GTF3C1: variants seen among roughly 807,000 people sequenced by gnomAD.
The protein encoded by GTF3C1 is general transcription factor 3C polypeptide 1.
Under a neutral mutation model 226.7 loss-of-function variants are expected in GTF3C1, and 57 were observed. That is an observed-to-expected ratio of 0.25 (90% CI 0.20 to 0.31). GTF3C1 has a LOEUF of 0.31. GTF3C1 is among the 10% of genes least tolerant of loss of function. The pLI, the probability that GTF3C1 is intolerant of heterozygous loss-of-function variation, is 1.00. For synonymous variants in GTF3C1, 1,090 were observed against 1,084.8 expected (o/e 1.00, Z -0.09); for missense variants, 2,217 against 2,776.1 (o/e 0.80, Z 4.53).
In GTF3C1 at chr16:27,461,129, G is replaced by T; in HGVS notation, c.*221C>A. 2.0e-6 allele frequency: 1 copy of T among 498,746 alleles called. No individual in the cohort carries two copies. The highest frequency in any genetic ancestry group is 3.6e-6 in the Non-Finnish European group (1 of 278,214). The allele number at this position is 498,746 out of a possible 1,614,324, so 30.9% of individuals were successfully genotyped here. A position where few individuals can be genotyped will look rare whatever the true frequency, so the allele number is the denominator to read the frequency against. On this transcript the variant is annotated 3_prime_UTR_variant, in exon 37 of 37. Transcript: ENST00000356183. This position sits in a 1 kb window ranked among gnomAD's most constrained non-coding sequence, Gnocchi z 5.3. ...TGATGAGGCCAGTTCCCAAGGGGAA[G>T]GCCCAGAAGAGCCTGGGGGATGGGC...
Position 27,507,427 on chromosome 16 carries a change from C to T in GTF3C1, c.1243-271G>A, listed in dbSNP as rs563965366. On this transcript the variant is annotated intron_variant, in intron 8 of 36. Transcript: ENST00000356183. The surrounding 1 kb of genome is among the most constrained non-coding windows in gnomAD (Gnocchi z 4.9). Reference sequence around the variant, plus strand: ...CTATGAGCTTCTCAGGGACAGGGCTCTGACTTAACCTTCCATATAGCCCCA... The same window carrying T: ...CTATGAGCTTCTCAGGGACAGGGCTTTGACTTAACCTTCCATATAGCCCCA... 6.6e-6 allele frequency among the ~76,000 whole-genome samples: 1 copy of T among 151,382 alleles called. No individual in the cohort carries two copies. Among genetic ancestry groups the T allele is most frequent in the African/African-American group, 2.5e-5 (1 of 40,652 alleles).
rs991383352 is a variant in GTF3C1, at chr16:27,471,558, C to T, written c.4526+190G>A. On this transcript the variant is annotated intron_variant, in intron 30 of 36. Transcript: ENST00000356183. This position sits in a 1 kb window ranked among gnomAD's most constrained non-coding sequence, Gnocchi z 5.0. ...GCCGCCAACACAAAGAAGCTGCCAGCGCTCACCTGATCCCCATACCACGAA... is the reference window on the plus strand; with the variant it reads ...GCCGCCAACACAAAGAAGCTGCCAGTGCTCACCTGATCCCCATACCACGAA... 8 of 562,772 alleles carry T rather than the reference C, an allele frequency of 1.4e-5. No homozygotes were observed. The highest frequency in any genetic ancestry group is 1.9e-5 in the Non-Finnish European group (6 of 315,078). The allele number at this position is 562,772 out of a possible 1,614,324, so 34.9% of individuals were successfully genotyped here.
At position 27,489,583 on chromosome 16, in the gene GTF3C1, G is replaced by A. The variant is rs374809431; in HGVS notation, c.3293+19C>T. 21 of 1,591,026 alleles carry A rather than the reference G, an allele frequency of 1.3e-5. 1 individual carries two copies. Among genetic ancestry groups the A allele is most frequent in the Middle Eastern group, 1.7e-4 (1 of 5,960 alleles). On this transcript the variant is annotated intron_variant, in intron 20 of 36. Coordinates refer to ENST00000356183, the MANE Select transcript of GTF3C1 (RefSeq NM_001520.4). Reference sequence around the variant, plus strand: ...CCGCAGCCCAGTCCTGGCCGGCCGCGCTTGGGACGGACACGCACGTGGTGT... The same window carrying A: ...CCGCAGCCCAGTCCTGGCCGGCCGCACTTGGGACGGACACGCACGTGGTGT...
intron 14 of GTF3C1, among the ~76,000 whole-genome samples, chr16:27,497,258 T>C (rs1318932230): frequency 1.3e-5 from 2 of 152,204 alleles, no homozygotes. Context: ...GCACTCAGAC[T>C]CATCAATGAC....
At chr16:27,525,944 T>G (rs1299309016) in intron 6 of GTF3C1, among the ~76,000 whole-genome samples, 5 of 5,086 alleles carry the variant, frequency 9.8e-4, no homozygotes, top group Non-Finnish European at 1.4e-3. Context: ...TTCAGTATCC[T>G]ATGTTTGTTT....
In GTF3C1 at chr16:27,549,700, C is replaced by T. The variant is rs1179709628; in HGVS notation, c.191G>A (p.Arg64Gln). The change falls in exon 1 of 37, where the codon CGG becomes CAG. Residue 64 changes from arginine to glutamine, a missense_variant. Physicochemically the swap from Arg to Gln is conservative, Grantham distance 43. Transcript: ENST00000356183. ...HPGISFYEEP[R>Q]ERPDLQLQDR... ...CTGGAGCTGTAGGTCGGGTCGCTCCCGAGGCTCCTCATAGAAGCTGATGCC... is the reference window on the plus strand; with the variant it reads ...CTGGAGCTGTAGGTCGGGTCGCTCCTGAGGCTCCTCATAGAAGCTGATGCC... The T allele has an allele frequency of 2.5e-6, 4 of 1,601,928 alleles. No homozygotes were observed. The East Asian group carries it at 9.0e-5, about 36-fold the overall frequency.
chr16:27,521,836 T>C (rs1485041445), intron 6 of GTF3C1, among the ~76,000 whole-genome samples: 1 of 152,202 alleles, frequency 6.6e-6, no homozygotes, highest in Non-Finnish European at 1.5e-5. Context: ...TTTCTGCTTT[T>C]TTTCTGTTCA....
At chr16:27,482,204 C>T (rs73533008) in intron 26 of GTF3C1, among the ~76,000 whole-genome samples, 4,590 of 152,250 alleles carry the variant, frequency 0.03, 222 homozygotes, top group African/African-American at 0.1. Flanking sequence ...ACATTTGCAA[C>T]CAGGGGGTGA....
Position 27,470,657 on chromosome 16 carries a change from C to T in GTF3C1, c.4527-262G>A, listed in dbSNP as rs1236702381. On this transcript the variant is annotated intron_variant, in intron 30 of 36. Coordinates refer to ENST00000356183, the MANE Select transcript of GTF3C1 (RefSeq NM_001520.4). The surrounding 1 kb of genome is among the most constrained non-coding windows in gnomAD (Gnocchi z 4.9). ...TAATTCAATGTGGCCTCACCTGGCG[C>T]TCCAGGAGGGCGCTGGCAGGCTCAC... 4 of 473,060 alleles carry T rather than the reference C, an allele frequency of 8.5e-6. No individual in the cohort carries two copies. The highest frequency in any genetic ancestry group is 5.8e-4 in the Middle Eastern group (1 of 1,724). 29.3% of individuals were successfully genotyped at this position (473,060 alleles called of 1,614,324 possible).
rs763348685 is a variant in GTF3C1 at position 27,471,838 on chromosome 16, C to T, written c.4436G>A (p.Arg1479Gln). Residue 1479 changes from arginine to glutamine, a missense_variant, in exon 30 of 37, where the codon CGG becomes CAG. This residue lies in a region of GTF3C1 where 546 missense variants were observed against 663.0 expected (regional missense o/e 0.82). Coordinates refer to ENST00000356183, the MANE Select transcript of GTF3C1 (RefSeq NM_001520.4). The surrounding 1 kb of genome is among the most constrained non-coding windows in gnomAD (Gnocchi z 5.0). ...GCCCAGCGTGTGGTTGACCCGGCGC[C>T]GGTTGACCAAGCTCCTCTTCTGGCA... ...MECQKRSLVN[R>Q]RRVNHTLGPK... 12 of 1,613,730 alleles carry T rather than the reference C, an allele frequency of 7.4e-6. No homozygotes were observed. The highest frequency in any genetic ancestry group is 2.2e-5 in the East Asian group (1 of 44,896).
chr16:27,497,860 A>T (rs1456982505), intron 13 of GTF3C1, 39 bp from the exon 14 acceptor site: 3 of 1,519,172 alleles, frequency 2.0e-6, no homozygotes. Context: ...TACTGAGAAA[A>T]TCAAGGGCTA....
intron 6 of GTF3C1, among the ~76,000 whole-genome samples, chr16:27,524,697 T>A: frequency 6.6e-6 from 1 of 152,184 alleles, no homozygotes; most frequent in East Asian, 1.9e-4. Context: ...GCAAAAAAGG[T>A]TCTTTAAGGA....
chr16:27,533,376 T>C lies in GTF3C1; in HGVS notation c.764A>G (p.Tyr255Cys). The change falls in exon 5 of 37, where the codon TAC becomes TGC. Residue 255 changes from tyrosine (Y) to cysteine (C), a missense_variant. Physicochemically the swap from Tyr to Cys is radical, Grantham distance 194. Around this residue, in one of 12 missense-constraint regions of GTF3C1, gnomAD observed 163 missense variants for 234.3 expected, o/e 0.70. Coordinates refer to ENST00000356183, the MANE Select transcript of GTF3C1 (RefSeq NM_001520.4). ...CGAAAGCTTCTCCATGAGGATGTCG[T>C]ATTTGCTCCTCCTGCAAGAAACACC... ...NRFHVDRRSK[Y>C]DILMEKLSVM... The C allele has an allele frequency of 6.3e-7, 1 of 1,593,012 alleles. No homozygotes were observed. Among genetic ancestry groups the C allele is most frequent in the Non-Finnish European group, 8.6e-7 (1 of 1,160,732 alleles).
Position 27,464,235 on chromosome 16 carries a change from G to A in GTF3C1, c.5872+85C>T, listed in dbSNP as rs529746699. 6.5e-5 allele frequency: 53 copies of A among 815,102 alleles called. No individual in the cohort carries two copies. In the East Asian group the frequency reaches 7.5e-4, roughly 12 times the overall value. 50.5% of individuals were successfully genotyped at this position (815,102 alleles called of 1,614,324 possible). A position where few individuals can be genotyped will look rare whatever the true frequency, so the allele number is the denominator to read the frequency against. On this transcript the variant is annotated intron_variant, in intron 34 of 36. Coordinates refer to ENST00000356183, the MANE Select transcript of GTF3C1 (RefSeq NM_001520.4). The stretch of plus-strand genomic sequence containing the variant: ...TGCCAGTGGCAGGTCCCCCATCCTC[G>A]GAGGAAGGTGTGAGGCCCATCAGGG...
intron 7 of GTF3C1, 28 bp from the exon 8 acceptor site, chr16:27,508,683 A>C (rs547182909): frequency 6.5e-7 from 1 of 1,531,290 alleles, no homozygotes; most frequent in Admixed American, 1.7e-5. Context: ...CGTGAACCCA[A>C]ACCGCTGCAA....
At chr16:27,522,488 T>C (rs1015186444) in intron 6 of GTF3C1, among the ~76,000 whole-genome samples, 4 of 152,282 alleles carry the variant, frequency 2.6e-5, no homozygotes, top group African/African-American at 4.8e-5. Flanking sequence ...AGTATCACAC[T>C]GTCTCCATTA....
Position 27,545,365 on chromosome 16 carries a change from A to G in GTF3C1, c.380T>C (p.Ile127Thr). Residue 127 changes from isoleucine to threonine, a missense_variant, in exon 2 of 37, where the codon ATC (isoleucine) becomes ACC (threonine). This residue lies in a region of GTF3C1 where 192 missense variants were observed against 251.8 expected (regional missense o/e 0.76). Coordinates refer to ENST00000356183, the MANE Select transcript of GTF3C1 (RefSeq NM_001520.4). ...GCGAGGCTGCAAGGACTTGGTTCTG[A>G]TGTCATTGGTAATGTTTTTCCTCTC... The part of the protein sequence containing the change: ...FKERKNITND[I>T]RTKSLQPRCT... The G allele has an allele frequency of 6.2e-7, 1 of 1,613,998 alleles. No homozygotes were observed.
intron 14 of GTF3C1, among the ~76,000 whole-genome samples, chr16:27,497,055 C>T (rs563133362): frequency 3.9e-5 from 6 of 152,336 alleles, no homozygotes; most frequent in East Asian, 3.9e-4. Context: ...CTGGACCTGA[C>T]GCTGCCTGAC....
At chr16:27,468,093 A>T (rs550854943) in intron 32 of GTF3C1, among the ~76,000 whole-genome samples, 1 of 152,154 alleles carries the variant, frequency 6.6e-6, no homozygotes, top group African/African-American at 2.4e-5. Flanking sequence ...GAGGGGTTCA[A>T]GTCTTCAGCG....
Sources: allele counts gnomAD v4.1 joint callset (sites outside exome capture counted in the v4.1 genomes callset), GRCh38; gene constraint gnomAD v4.1.1; regional missense constraint gnomAD v4.1.1; non-coding constraint Gnocchi (gnomAD v3.1); transcripts MANE v1.5; gene names NCBI Gene and HGNC (gene_info 2026-07-23, HGNC 2026-07-21).